CNTN4: variants seen among roughly 807,000 people sequenced by gnomAD.
CNTN4 encodes the protein contactin-4.
In CNTN4, 77 loss-of-function variants were observed where a neutral mutation model predicts 122.5. The observed-to-expected ratio is 0.63, with a 90% CI of 0.52 to 0.76. The LOEUF is 0.76. Ranked by LOEUF, CNTN4 falls within the 30% of genes least tolerant of loss-of-function variation. CNTN4 has a pLI of 0.00. For missense variants in CNTN4, 1,256 were observed against 1,259.1 expected (o/e 1.00, Z 0.04); for synonymous variants, 512 against 447.0 (o/e 1.15, Z -1.83).
Position 2,903,008 on chromosome 3 carries a change from G to A in CNTN4, c.1207+3G>A, listed in dbSNP as rs1559642499. ...CAACGCAGAGCTTAGTGTTATAGGT[G>A]AGTCTTTATACTGGCAAGAAAAAAA... On this transcript the variant is annotated splice_donor_region_variant and intron_variant, in intron 12 of 24. Coordinates refer to ENST00000418658, the MANE Select transcript of CNTN4 (RefSeq NM_175607.3). 6.2e-7 allele frequency: 1 copy of A among 1,613,480 alleles called. No homozygotes were observed. Among genetic ancestry groups the A allele is most frequent in the Non-Finnish European group, 8.5e-7 (1 of 1,179,682 alleles).
At chr3:2,289,576 C>T (rs1196570921) in intron 2 of CNTN4, among the ~76,000 whole-genome samples, 1 of 152,156 alleles carries the variant, frequency 6.6e-6, no homozygotes, top group East Asian at 1.9e-4. Context: ...GAACACAGTT[C>T]AGGGGAGGAA....
chr3:2,190,974 G>A (rs73807009), intron 2 of CNTN4, among the ~76,000 whole-genome samples: 3,752 of 152,076 alleles, frequency 0.025, 149 homozygotes, highest in African/African-American at 0.086. Context: ...CACCTCACCA[G>A]TTCAAGACCC....
At chr3:2,701,576 G>C (rs1160871201) in intron 4 of CNTN4, among the ~76,000 whole-genome samples, 1 of 152,216 alleles carries the variant, frequency 6.6e-6, no homozygotes, top group Non-Finnish European at 1.5e-5. Flanking sequence ...GCTATACAGG[G>C]AGGTGGGCAG....
intron 3 of CNTN4, among the ~76,000 whole-genome samples, chr3:2,528,483 A>G (rs1310950827): frequency 2.6e-5 from 4 of 152,166 alleles, no homozygotes; most frequent in Non-Finnish European, 4.4e-5. Context: ...AATAGCACTG[A>G]TATTAGGAAA....
rs533631595 is a variant in CNTN4, at chr3:2,308,739, G to A, written c.-144-30439G>A. ...TTGATTGCTAATTTAATTTTATTGTGGTCAGAGAACGTTTTATGATTTTAT... is the reference window on the plus strand; with the variant it reads ...TTGATTGCTAATTTAATTTTATTGTAGTCAGAGAACGTTTTATGATTTTAT... On this transcript the variant is annotated intron_variant, in intron 2 of 24. Coordinates refer to ENST00000418658, the MANE Select transcript of CNTN4 (RefSeq NM_175607.3). 3.3e-3 allele frequency among the ~76,000 whole-genome samples: 497 copies of A among 151,872 alleles called. 3 individuals carry two copies. Among genetic ancestry groups the A allele is most frequent in the African/African-American group, 0.012 (479 of 41,464 alleles).
chr3:2,338,226 G>A (rs142916365), intron 2 of CNTN4, among the ~76,000 whole-genome samples: 140 of 152,032 alleles, frequency 9.2e-4, no homozygotes, highest in African/African-American at 3.2e-3. Flanking sequence ...GGTTGTTATC[G>A]ATATTATCCT....
chr3:2,731,042 T>A (rs1052264734), intron 4 of CNTN4, among the ~76,000 whole-genome samples: 1 of 152,030 alleles, frequency 6.6e-6, no homozygotes, highest in Admixed American at 6.5e-5. Context: ...AAAAAATATT[T>A]TGTTTCCATT....
At chr3:2,398,342 T>G (rs1312612169) in intron 3 of CNTN4, among the ~76,000 whole-genome samples, 1 of 152,170 alleles carries the variant, frequency 6.6e-6, no homozygotes, top group Non-Finnish European at 1.5e-5. Flanking sequence ...TATTTTAAAT[T>G]AATTGCTTTC....
At chr3:2,469,533 A>T (rs2075613875) in intron 3 of CNTN4, among the ~76,000 whole-genome samples, 1 of 152,236 alleles carries the variant, frequency 6.6e-6, no homozygotes, top group African/African-American at 2.4e-5. Context: ...AAAATGCGCC[A>T]GATTTTCAGA....
At position 2,453,652 on chromosome 3, in the gene CNTN4, A is replaced by G. The variant is rs542975443; in HGVS notation, c.-89+114419A>G. ...TTTAACTATGTGCTGTTAAGAAAATAAAAGTGAAATATCTATGGGATATCA... is the reference window on the plus strand; with the variant it reads ...TTTAACTATGTGCTGTTAAGAAAATGAAAGTGAAATATCTATGGGATATCA... On this transcript the variant is annotated intron_variant, in intron 3 of 24. Coordinates refer to ENST00000418658, the MANE Select transcript of CNTN4 (RefSeq NM_175607.3). 1.4e-4 allele frequency among the ~76,000 whole-genome samples: 21 copies of G among 152,314 alleles called. No homozygotes were observed. In the South Asian group the frequency reaches 1.4e-3, roughly 11 times the overall value.
chr3:2,170,187 G>GTT (rs1228600031), intron 2 of CNTN4, among the ~76,000 whole-genome samples: 11 of 139,548 alleles, frequency 7.9e-5, no homozygotes, highest in East Asian at 2.0e-4. Flanking sequence ...CGGGCGTGGT[G>GTT]GCGGCGCCTG....
intron 12 of CNTN4, among the ~76,000 whole-genome samples, chr3:2,916,542 C>A (rs1408384656): frequency 2.1e-5 from 3 of 143,174 alleles, no homozygotes; most frequent in Middle Eastern, 3.5e-3. Flanking sequence ...TTAACAGCAT[C>A]CCAAGGCAGA....
intron 3 of CNTN4, among the ~76,000 whole-genome samples, chr3:2,430,377 G>C (rs2048020309): frequency 6.7e-6 from 1 of 150,256 alleles, no homozygotes; most frequent in Non-Finnish European, 1.5e-5. Flanking sequence ...AGCCAAGATT[G>C]GGCCACTGCA....
chr3:2,423,481 T>C (rs1575597893), intron 3 of CNTN4, among the ~76,000 whole-genome samples: 1 of 131,548 alleles, frequency 7.6e-6, no homozygotes, highest in African/African-American at 3.1e-5. Flanking sequence ...TGAAAACTTG[T>C]TTTTTTTTTT....
At chr3:2,116,094 C>T (rs1294011314) in intron 2 of CNTN4, among the ~76,000 whole-genome samples, 4 of 152,164 alleles carry the variant, frequency 2.6e-5, no homozygotes, top group African/African-American at 7.2e-5. Context: ...TCCTGATGAT[C>T]TTCAAATCCT....
chr3:2,177,544 A>C (rs2036806942), intron 2 of CNTN4, among the ~76,000 whole-genome samples: 1 of 151,940 alleles, frequency 6.6e-6, no homozygotes, highest in Admixed American at 6.6e-5. Flanking sequence ...TGCCAAATCT[A>C]ACTTCCAGTC....
intron 6 of CNTN4, among the ~76,000 whole-genome samples, chr3:2,747,007 G>A (rs988230791): frequency 2.6e-5 from 4 of 151,842 alleles, no homozygotes; most frequent in Admixed American, 6.6e-5. Context: ...CTCAGAGTAC[G>A]GGAAAATCTC....
chr3:2,244,774 C>G (rs949846985), intron 2 of CNTN4, among the ~76,000 whole-genome samples: 8 of 151,930 alleles, frequency 5.3e-5, no homozygotes, highest in Middle Eastern at 3.4e-3. Flanking sequence ...GAGAGACAAA[C>G]AAGGAGAGGG....
chr3:2,909,894 C>A lies in CNTN4; in HGVS notation c.1207+6889C>A, dbSNP rs189780023. Among the ~76,000 whole-genome samples, 604 of 152,264 alleles carry A rather than the reference C, an allele frequency of 4.0e-3. 4 individuals carry two copies. Among genetic ancestry groups the A allele is most frequent in the Non-Finnish European group, 6.9e-3 (471 of 68,004 alleles). On this transcript the variant is annotated intron_variant, in intron 12 of 24. Transcript: ENST00000418658. ...CTTATCCAAGACCACCGTTTGAGAA[C>A]CACTATCCTAAAATAGGAAATCTGT...
Sources: allele counts gnomAD v4.1 joint callset (sites outside exome capture counted in the v4.1 genomes callset), GRCh38; gene constraint gnomAD v4.1.1; transcripts MANE v1.5; gene names NCBI Gene and HGNC (gene_info 2026-07-23, HGNC 2026-07-21).